Variants in AGRN observed in about 807,000 individuals in gnomAD.
AGRN encodes agrin proteoglycan.
Under a neutral mutation model 211.0 loss-of-function variants are expected in AGRN, and 106 were observed. That is an observed-to-expected ratio of 0.50 (90% CI 0.43 to 0.59). The LOEUF is 0.59. Among genes scored for constraint, AGRN ranks in the 20% least tolerant of loss-of-function variants. The pLI is 0.00. For synonymous variants in AGRN, 1,525 were observed against 1,332.5 expected (o/e 1.14, Z -3.15); for missense variants, 3,040 against 2,982.6 (o/e 1.02, Z -0.45).
rs369070635 is a variant in AGRN, at chr1:1,051,338, T to C, written c.5339T>C (p.Val1780Ala). 2.0e-5 allele frequency: 31 copies of C among 1,568,470 alleles called. No homozygotes were observed. The highest frequency in any genetic ancestry group is 2.6e-5 in the Non-Finnish European group (30 of 1,157,728). Residue 1780 changes from valine (V) to alanine (A), a missense_variant, in exon 31 of 36, where the codon GTG becomes GCG. Val to Ala is a moderately conservative substitution (Grantham distance 64, BLOSUM62 0). This residue lies in a region of AGRN where 1,537 missense variants were observed against 1,505.0 expected (regional missense o/e 1.02). Coordinates refer to ENST00000379370, the MANE Select transcript of AGRN (RefSeq NM_198576.4). ...DFSKLARAAA[V>A]SSGFDGAIQL... Reference sequence around the variant, plus strand: ...AGCAAGCTGGCCCGTGCTGCTGCCGTGTCCTCTGGCTTCGACGGTGCCATC... The same window carrying C: ...AGCAAGCTGGCCCGTGCTGCTGCCGCGTCCTCTGGCTTCGACGGTGCCATC...
chr1:1,046,321 A>G (rs1360722252), intron 17 of AGRN, 56 bp downstream of exon 17: 81 of 1,610,236 alleles, frequency 5.0e-5, no homozygotes, highest in Non-Finnish European at 6.7e-5. Context: ...ACGCTGCCCT[A>G]AATCCAGCCC....
Position 1,043,166 on chromosome 1 carries a change from G to A in AGRN, c.1385-73G>A, listed in dbSNP as rs538801491. On this transcript the variant is annotated intron_variant, in intron 7 of 35. Coordinates refer to ENST00000379370, the MANE Select transcript of AGRN (RefSeq NM_198576.4). ...TCCCCTCCCTGGAAGAGGGACTGCT[G>A]CGTGGGGCTGGGGGCTTTGCCTGCA... 1.7e-5 allele frequency: 25 copies of A among 1,495,334 alleles called. No individual in the cohort carries two copies. In the South Asian group the frequency reaches 2.5e-4, roughly 15 times the overall value. The allele number at this position is 1,495,334 out of a possible 1,614,324, so 92.6% of individuals were successfully genotyped here. A position where few individuals can be genotyped will look rare whatever the true frequency, so the allele number is the denominator to read the frequency against.
chr1:1,044,373 G>C lies in AGRN; in HGVS notation c.2188G>C (p.Glu730Gln). ...SDGVTYSTEC[E>Q]LKKARCESQR... is the part of the protein sequence containing the mutation. The stretch of plus-strand genomic sequence containing the variant: ...TGGGGTCACCTACAGCACCGAGTGT[G>C]AGCTGAAGAAGGCCAGGTGTGAGTC... The change falls in exon 12 of 36, where the codon GAG becomes CAG. Residue 730 changes from glutamate (E) to glutamine (Q), a missense_variant. Physicochemically the swap from Glu to Gln is conservative, Grantham distance 29 (BLOSUM62 2). Transcript: ENST00000379370. 1 of 1,612,784 alleles carries C rather than the reference G, an allele frequency of 6.2e-7. No individual in the cohort carries two copies. The highest frequency in any genetic ancestry group is 8.5e-7 in the Non-Finnish European group (1 of 1,179,852).
chr1:1,022,360 C>G lies in AGRN; in HGVS notation c.361C>G (p.Pro121Ala), dbSNP rs373066821. ...DTRIFFVNPA[P>A]PYLWPAHKNE... ...CAGGATCTTCTTTGTGAACCCTGCA[C>G]CCCCATACCTGTGGCCAGCCCACAA... is the stretch of plus-strand genomic sequence containing the variant. The change falls in exon 2 of 36, where the codon CCC becomes GCC. Residue 121 changes from proline to alanine, a missense_variant. By Grantham distance (27) the Pro-to-Ala change is conservative (BLOSUM62 -1). Transcript: ENST00000379370. The G allele has an allele frequency of 1.9e-6, 3 of 1,613,258 alleles. No individual in the cohort carries two copies. The highest frequency in any genetic ancestry group is 2.7e-5 in the African/African-American group (2 of 74,920).
In AGRN at chr1:1,028,320, G is replaced by GCCCCCCCCC. The variant is rs77046272; in HGVS notation, c.463+5866_463+5874dup. 1.8e-3 allele frequency among the ~76,000 whole-genome samples: 193 copies of GCCCCCCCCC among 105,092 alleles called. 8 individuals are homozygous for GCCCCCCCCC. The highest frequency in any genetic ancestry group is 7.0e-3 in the African/African-American group (172 of 24,560). The allele number at this position is 105,092 out of a possible 152,430, so 68.9% of individuals were successfully genotyped here. A position where few individuals can be genotyped will look rare whatever the true frequency, so the allele number is the denominator to read the frequency against. On this transcript the variant is annotated intron_variant, in intron 2 of 35. Transcript: ENST00000379370. ...GCCGTTCTCTCTCCCGTGGGGAAAC[G>GCCCCCCCCC]CCCCCCCCCCCCCCCCGCCCTGCAC... is the stretch of plus-strand genomic sequence containing the variant.
Position 1,048,365 on chromosome 1 carries a change from G to A in AGRN, c.4105G>A (p.Val1369Met), listed in dbSNP as rs1402953779. The A allele has an allele frequency of 6.9e-6, 10 of 1,457,518 alleles. No homozygotes were observed. The highest frequency in any genetic ancestry group is 2.5e-5 in the East Asian group (1 of 40,256). 90.3% of individuals were successfully genotyped at this position (1,457,518 alleles called of 1,614,324 possible). A position where few individuals can be genotyped will look rare whatever the true frequency, so the allele number is the denominator to read the frequency against. Reference protein sequence around the residue: ...AGRGGAVCEKVLGAPVPAFEG... With the variant: ...AGRGGAVCEKMLGAPVPAFEG... ...CAGGGGAGGCGCCGTCTGTGAGAAG[G>A]GTAAGGATGTCCACTGCAGAGGAGG... The change falls in exon 23 of 36, where the codon GTG becomes ATG. Residue 1369 changes from valine to methionine, a missense_variant and splice_region_variant. Coordinates refer to ENST00000379370, the MANE Select transcript of AGRN (RefSeq NM_198576.4). This position sits in a 1 kb window ranked among gnomAD's most constrained non-coding sequence, Gnocchi z 5.9.
Position 1,054,500 on chromosome 1 carries a change from T to C in AGRN, c.5929T>C (p.Ser1977Pro), listed in dbSNP as rs1245232925. 1.2e-6 allele frequency: 2 copies of C among 1,603,564 alleles called. No individual in the cohort carries two copies. The highest frequency in any genetic ancestry group is 1.1e-5 in the South Asian group (1 of 89,034). ...GGGCAATGAGGCCCCTGTGACCGGC[T>C]CCTCCCCGCTGGGCGCCACGCAGCT... ...QVGNEAPVTG[S>P]SPLGATQLDT... Residue 1977 changes from serine to proline, a missense_variant, in exon 35 of 36, where the codon TCC (serine) becomes CCC (proline). Ser to Pro is a moderately conservative substitution (Grantham distance 74). This residue lies in a region of AGRN where 1,537 missense variants were observed against 1,505.0 expected (regional missense o/e 1.02). Transcript: ENST00000379370.
intron 2 of AGRN, among the ~76,000 whole-genome samples, chr1:1,028,660 C>CTGCCAATTGCCAG (rs1644578320): frequency 1.2e-5 from 1 of 83,212 alleles, no homozygotes; most frequent in Non-Finnish European, 2.6e-5. Flanking sequence ...CCTCGTGGGC[C>CTGCCAATTGCCAG]AAGGGCGCCC....
At position 1,054,547 on chromosome 1, in the gene AGRN, G is replaced by A. The variant is rs776480996; in HGVS notation, c.5976G>A (p.Trp1992Ter). 4 of 1,591,250 alleles carry A rather than the reference G, an allele frequency of 2.5e-6. No homozygotes were observed. In the South Asian group the frequency reaches 3.4e-5, roughly 14 times the overall value. Residue 1992 changes from tryptophan (W) to a stop codon, truncating the protein, a stop_gained, in exon 35 of 36, where the codon TGG becomes TGA. Coordinates refer to ENST00000379370, the MANE Select transcript of AGRN (RefSeq NM_198576.4). LOFTEE classifies it high-confidence loss of function. The part of the protein sequence containing the change: ...ATQLDTDGAL[W>*]LGGLPELPVG... ...AGCTGGACACTGATGGAGCCCTGTG[G>A]CTTGGTGAGTGTTTTGGGGAGACTA...
At chr1:1,034,400 C>T (rs1644750770) in intron 2 of AGRN, 3 of 985,704 alleles carry the variant, frequency 3.0e-6, no homozygotes, top group Non-Finnish European at 3.6e-6. Flanking sequence ...GACCTGGCAC[C>T]CCCAGGGCTG....
In AGRN at chr1:1,035,329, G is replaced by A. The variant is rs1441114397; in HGVS notation, c.511+5G>A. 6.2e-7 allele frequency: 1 copy of A among 1,612,986 alleles called. No homozygotes were observed. The highest frequency in any genetic ancestry group is 1.3e-5 in the African/African-American group (1 of 74,946). ...TGCCTCCGACGCCTCCTGATGGTGAGTAGGGCTGAGTTCGGGGGACCTGGA... is the reference window on the plus strand; with the variant it reads ...TGCCTCCGACGCCTCCTGATGGTGAATAGGGCTGAGTTCGGGGGACCTGGA... On this transcript the variant is annotated splice_donor_5th_base_variant and intron_variant, in intron 3 of 35. Transcript: ENST00000379370.
chr1:1,035,426 G>A (rs1223236479), intron 3 of AGRN, 102 bp downstream of exon 3: 2 of 1,470,036 alleles, frequency 1.4e-6, no homozygotes, highest in Non-Finnish European at 1.9e-6. Flanking sequence ...TGTGTCTGGA[G>A]TGAGGAGGAG....
rs772386655 is a variant in AGRN, at chr1:1,046,257, C to A, written c.2903C>A (p.Pro968Gln). Residue 968 changes from proline (P) to glutamine (Q), a missense_variant, in exon 17 of 36, where the codon CCG becomes CAG. Physicochemically the swap from Pro to Gln is moderately conservative, Grantham distance 76. This residue lies in a region of AGRN where 1,498 missense variants were observed against 1,457.8 expected (regional missense o/e 1.03). Coordinates refer to ENST00000379370, the MANE Select transcript of AGRN (RefSeq NM_198576.4). The stretch of plus-strand genomic sequence containing the variant: ...CAAATCTCTATCCAGAGCCTGGGCC[C>A]GTGCCAGGGTGAGGCCTGACGGCCA... ...GLQISIQSLG[P>Q]CQEAVAPSTH... is the part of the protein sequence containing the mutation. 1 of 1,613,460 alleles carries A rather than the reference C, an allele frequency of 6.2e-7. No individual in the cohort carries two copies. Among genetic ancestry groups the A allele is most frequent in the South Asian group, 1.1e-5 (1 of 91,090 alleles).
rs757621899 is a variant in AGRN, at chr1:1,051,326, G to A, written c.5327G>A (p.Arg1776His). ...GGAPDFSKLARAAAVSSGFDG... is the reference protein window; with the variant it reads ...GGAPDFSKLAHAAAVSSGFDG... ...GCTCCCGACTTCAGCAAGCTGGCCC[G>A]TGCTGCTGCCGTGTCCTCTGGCTTC... The change falls in exon 31 of 36, where the codon CGT (arginine) becomes CAT (histidine). Residue 1776 changes from arginine to histidine, a missense_variant. Physicochemically the swap from Arg to His is conservative, Grantham distance 29. Coordinates refer to ENST00000379370, the MANE Select transcript of AGRN (RefSeq NM_198576.4). 51 of 1,568,546 alleles carry A rather than the reference G, an allele frequency of 3.3e-5. No individual in the cohort carries two copies. The highest frequency in any genetic ancestry group is 9.4e-5 in the Admixed American group (5 of 53,074).
rs1224006799 is a variant in AGRN, at chr1:1,046,535, C to T, written c.3050C>T (p.Thr1017Ile). Residue 1017 changes from threonine (T) to isoleucine (I), a missense_variant, in exon 18 of 36, where the codon ACC (threonine) becomes ATC (isoleucine). Around this residue, in one of 3 missense-constraint regions of AGRN, gnomAD observed 1,537 missense variants for 1,505.0 expected, o/e 1.02. Transcript: ENST00000379370. ...APSSTAHSQT[T>I]PPPSSRPRTT... is the part of the protein sequence containing the mutation. ...AGCAGTACCGCACACAGCCAGACCA[C>T]CCCTCCGCCCTCATCACGACCTCGG... is the stretch of plus-strand genomic sequence containing the variant. 3.1e-6 allele frequency: 5 copies of T among 1,610,372 alleles called. No individual in the cohort carries two copies. Among genetic ancestry groups the T allele is most frequent in the Non-Finnish European group, 4.2e-6 (5 of 1,178,854 alleles).
rs1222984607 is a variant in AGRN at position 1,050,718 on chromosome 1, C to T, written c.5142-8C>T. 1 of 1,601,048 alleles carries T rather than the reference C, an allele frequency of 6.2e-7. No individual in the cohort carries two copies. The highest frequency in any genetic ancestry group is 8.5e-7 in the Non-Finnish European group (1 of 1,176,196). The stretch of plus-strand genomic sequence containing the variant: ...ACAGAGCCCACTCACGCTGCCCCTC[C>T]TCACCAGGAGCAGGGAGCCAGTCAC... On this transcript the variant is annotated splice_region_variant and splice_polypyrimidine_tract_variant and intron_variant, in intron 29 of 35. Transcript: ENST00000379370.
intron 12 of AGRN, 43 bp downstream of exon 12, chr1:1,044,482 C>CGTCTGGGTTTCCGT (rs1557706953): frequency 6.4e-7 from 1 of 1,559,722 alleles, no homozygotes; most frequent in African/African-American, 1.4e-5. Context: ...GGCGGGGCGG[C>CGTCTGGGTTTCCGT]GTCTGGGTTT....
chr1:1,035,035 C>T (rs1030584786), intron 2 of AGRN: 23 of 603,486 alleles, frequency 3.8e-5, no homozygotes, highest in Middle Eastern at 4.5e-4. Context: ...GGCTGGGGCC[C>T]CATCTGACAG....
rs147673996 is a variant in AGRN, at chr1:1,047,841, C to T, written c.3697C>T (p.Arg1233Trp). 105 of 1,605,596 alleles carry T rather than the reference C, an allele frequency of 6.5e-5. No homozygotes were observed. The highest frequency in any genetic ancestry group is 1.7e-4 in the Admixed American group (10 of 59,090). ...LLRQIQVSRRRSLGVRRPLQE... is the reference protein window; with the variant it reads ...LLRQIQVSRRWSLGVRRPLQE... ...CCGGCAGATCCAGGTGTCCAGGCGC[C>T]GGTCCTTGGGGGTGAGGCGGCCGCT... The change falls in exon 22 of 36, where the codon CGG becomes TGG. Residue 1233 changes from arginine to tryptophan, a missense_variant. Arg to Trp is a moderately radical substitution (Grantham distance 101, BLOSUM62 -3). Transcript: ENST00000379370.
Sources: gnomAD v4.1 joint callset for allele counts (sites outside exome capture counted in the v4.1 genomes callset) on GRCh38, gnomAD v4.1.1 for gene constraint, gnomAD v4.1.1 regional missense constraint, Gnocchi (gnomAD v3.1) non-coding constraint, MANE v1.5 for transcripts, NCBI Gene and HGNC (gene_info 2026-07-23, HGNC 2026-07-21) for gene names.